Variants in NXPE2 observed in about 807,000 individuals in gnomAD.
NXPE2 encodes the protein NXPE family member 2.
A neutral mutation model predicts 34.4 loss-of-function variants in NXPE2; 34 were observed. The ratio of observed to expected loss-of-function variants is 0.99; its 90% CI spans 0.75 to 1.31. NXPE2 has a LOEUF of 1.31. NXPE2 is among the 40% of genes most tolerant of loss of function. The pLI is 0.00. For synonymous variants in NXPE2, 235 were observed against 231.3 expected (o/e 1.02, Z -0.15); for missense variants, 649 against 672.5 (o/e 0.97, Z 0.39).
the NXPE2 span, among the ~76,000 whole-genome samples, chr11:114,764,493 A>G: frequency 6.6e-6 from 1 of 152,122 alleles, no homozygotes; most frequent in African/African-American, 2.4e-5. Flanking sequence ...ATAAAGAAAG[A>G]TAAAGCAAAT....
chr11:114,524,306 T>A, the NXPE2 span, among the ~76,000 whole-genome samples: 1 of 152,152 alleles, frequency 6.6e-6, no homozygotes, highest in Non-Finnish European at 1.5e-5. Context: ...GAGAAGGCAG[T>A]GAGTATTGGG....
chr11:114,802,196 G>A, the NXPE2 span, among the ~76,000 whole-genome samples: 1 of 152,056 alleles, frequency 6.6e-6, no homozygotes, highest in African/African-American at 2.4e-5. Context: ...CTGACCTCAG[G>A]GACAACAACA....
downstream of NXPE2, among the ~76,000 whole-genome samples, chr11:114,709,566 T>G (rs1859571181): frequency 6.6e-6 from 1 of 152,204 alleles, no homozygotes; most frequent in Non-Finnish European, 1.5e-5. Flanking sequence ...TTATCAAACC[T>G]CTTTCAAAAA....
At chr11:114,513,207 G>T in the NXPE2 span, 1 of 542,838 alleles carries the variant, frequency 1.8e-6, no homozygotes, top group South Asian at 1.5e-5. Context: ...AGGATGTCCA[G>T]CTGGTGCCTC....
At chr11:114,535,086 C>G in the NXPE2 span, among the ~76,000 whole-genome samples, 2 of 152,130 alleles carry the variant, frequency 1.3e-5, no homozygotes, top group Non-Finnish European at 2.9e-5. Flanking sequence ...TGATCTCTTG[C>G]CAGAAACTCT....
chr11:114,584,374 G>A, the NXPE2 span: 1 of 366,548 alleles, frequency 2.7e-6, no homozygotes. Flanking sequence ...AGTAATGCAG[G>A]CCCATCCACC....
At chr11:114,551,777 G>C in the NXPE2 span, among the ~76,000 whole-genome samples, 1 of 152,086 alleles carries the variant, frequency 6.6e-6, no homozygotes, top group East Asian at 1.9e-4. Flanking sequence ...GATCCAATAA[G>C]GCTGGGCACT....
the NXPE2 span, among the ~76,000 whole-genome samples, chr11:114,503,538 G>T: frequency 6.6e-6 from 1 of 151,734 alleles, no homozygotes; most frequent in Non-Finnish European, 1.5e-5. Context: ...GAAAAAAGTT[G>T]ATGACTAAAA....
At chr11:114,520,538 TC>T in the NXPE2 span, among the ~76,000 whole-genome samples, 33 of 152,244 alleles carry the variant, frequency 2.2e-4, no homozygotes, top group Non-Finnish European at 2.9e-5. Flanking sequence ...ATGTTGTTTC[TC>T]TGTCTTGGCT....
chr11:114,508,453 A>G, the NXPE2 span, among the ~76,000 whole-genome samples: 12 of 152,236 alleles, frequency 7.9e-5, no homozygotes, highest in African/African-American at 1.4e-4. Context: ...CTAAGCAAAA[A>G]GAACAAACTG....
chr11:114,590,125 C>T, the NXPE2 span, among the ~76,000 whole-genome samples: 2 of 152,184 alleles, frequency 1.3e-5, no homozygotes, highest in African/African-American at 4.8e-5. Flanking sequence ...TTTGGACAGG[C>T]ATTGTCAAAG....
At chr11:114,798,546 G>T in the NXPE2 span, among the ~76,000 whole-genome samples, 1 of 152,150 alleles carries the variant, frequency 6.6e-6, no homozygotes, top group Non-Finnish European at 1.5e-5. Context: ...ACCATGCCTG[G>T]CTAATTTTTG....
chr11:114,501,875 T>A, the NXPE2 span, among the ~76,000 whole-genome samples: 1 of 152,172 alleles, frequency 6.6e-6, no homozygotes, highest in Non-Finnish European at 1.5e-5. Context: ...GGAAAGAACA[T>A]GAACTTGATG....
chr11:114,690,232 C>A (rs1397600657), intron 2 of NXPE2, among the ~76,000 whole-genome samples: 5 of 152,172 alleles, frequency 3.3e-5, no homozygotes, highest in Non-Finnish European at 7.4e-5. Context: ...AAGTAACATT[C>A]TTTTATTTCC....
chr11:114,728,461 GT>G, the NXPE2 span, among the ~76,000 whole-genome samples: 1 of 151,918 alleles, frequency 6.6e-6, no homozygotes, highest in South Asian at 2.1e-4. Flanking sequence ...AACTTTTGTT[GT>G]TTGCTTAATT....
At chr11:114,504,782 T>C in the NXPE2 span, among the ~76,000 whole-genome samples, 1 of 152,140 alleles carries the variant, frequency 6.6e-6, no homozygotes, top group Admixed American at 6.5e-5. Flanking sequence ...TGAGAAATAA[T>C]CAGCGCAAGG....
chr11:114,782,230 A>G, the NXPE2 span, among the ~76,000 whole-genome samples: 24,155 of 152,258 alleles, frequency 0.16, 1,977 homozygotes, highest in Admixed American at 0.21. Flanking sequence ...CATGGATACC[A>G]AACCCACAGG....
chr11:114,633,116 TTA>T, the NXPE2 span, among the ~76,000 whole-genome samples: 1 of 122,740 alleles, frequency 8.1e-6, no homozygotes, highest in Non-Finnish European at 1.6e-5. Context: ...ACATTATATT[TTA>T]TATAATTTAT....
chr11:114,637,997 C>T, the NXPE2 span, among the ~76,000 whole-genome samples: 1 of 151,388 alleles, frequency 6.6e-6, no homozygotes, highest in Non-Finnish European at 1.5e-5. Flanking sequence ...TTTCCTGAAT[C>T]TGAACGTTGG....
Sources: allele counts gnomAD v4.1 joint callset (sites outside exome capture counted in the v4.1 genomes callset), GRCh38; gene constraint gnomAD v4.1.1; transcripts MANE v1.5; gene names NCBI Gene and HGNC (gene_info 2026-07-23, HGNC 2026-07-21).